The following ANKMY1 variants were observed in gnomAD, a reference collection of about 807,000 sequenced individuals.
ANKMY1 encodes the protein ankyrin repeat and MYND domain-containing protein 1.
A neutral mutation model predicts 102.0 loss-of-function variants in ANKMY1; 98 were observed. The ratio of observed to expected loss-of-function variants is 0.96; its 90% CI spans 0.82 to 1.14. The LOEUF (loss-of-function observed/expected upper bound fraction) is 1.14, where lower values mean the gene tolerates loss of function less well. ANKMY1 is among the 50% of genes most tolerant of loss of function. The pLI is 0.00. For synonymous variants in ANKMY1, 582 were observed against 559.9 expected (o/e 1.04, Z -0.56); for missense variants, 1,330 against 1,347.6 (o/e 0.99, Z 0.20).
chr2:240,560,714 G>A (rs766050002), upstream of ANKMY1: 8 of 1,527,428 alleles, frequency 5.2e-6, no homozygotes, highest in Middle Eastern at 1.8e-4. Context: ...GGCGCCGCGG[G>A]GCCGCCTCGC....
intron 11 of ANKMY1, among the ~76,000 whole-genome samples, chr2:240,510,634 C>T (rs1053442333): frequency 4.6e-5 from 7 of 152,116 alleles, no homozygotes; most frequent in African/African-American, 7.2e-5. Context: ...CCCTTTCCCG[C>T]AGTCTTGCTG....
At chr2:240,488,384 AT>A (rs1308786759) in intron 15 of ANKMY1, among the ~76,000 whole-genome samples, 1 of 152,190 alleles carries the variant, frequency 6.6e-6, no homozygotes. Flanking sequence ...TTTGTAGTAT[AT>A]TTTGAATCCA....
At chr2:240,560,010 T>C (rs1007217748), upstream of ANKMY1, 3 of 152,394 alleles carry the variant, frequency 2.0e-5, no homozygotes, top group Non-Finnish European at 2.9e-5. Context: ...AAAGTTACAA[T>C]GCTGACCCCA....
At position 240,524,244 on chromosome 2, in the gene ANKMY1, CAGG is replaced by C; in HGVS notation, c.1470_1472del (p.Leu491del). ...CCTCGTGGCTGCCTGAGACGCGTGG[CAGG>C]AGCAGTGGTGCTGGCGGTGGCCTCA... On this transcript the variant is annotated inframe_deletion, in exon 8 of 18. Coordinates refer to ENST00000401804, the MANE Select transcript of ANKMY1 (RefSeq NM_001282771.3). The C allele has an allele frequency of 6.2e-7, 1 of 1,613,852 alleles. No individual in the cohort carries two copies. The highest frequency in any genetic ancestry group is 8.5e-7 in the Non-Finnish European group (1 of 1,180,036).
chr2:240,482,313 C>T, intron 15 of ANKMY1, 52 bp from the exon 16 acceptor site: 3 of 1,546,818 alleles, frequency 1.9e-6, no homozygotes, highest in East Asian at 2.3e-5. Context: ...GTGGGGGCCA[C>T]CACTGCAGAA....
chr2:240,477,880 A>G (rs578018540), downstream of ANKMY1, among the ~76,000 whole-genome samples: 12 of 152,158 alleles, frequency 7.9e-5, no homozygotes, highest in Non-Finnish European at 1.5e-4. Context: ...GTGTGCACTC[A>G]TGCCTGTAGA....
intron 5 of ANKMY1, chr2:240,527,698 C>CATGGGTGGATTGA (rs2084056825): frequency 6.6e-6 from 1 of 151,526 alleles, no homozygotes; most frequent in Non-Finnish European, 1.5e-5. Flanking sequence ...GAATGGATGG[C>CATGGGTGGATTGA]TGCATGAATG....
chr2:240,482,291 C>A, intron 15 of ANKMY1, 30 bp from the exon 16 acceptor site: 1 of 1,595,762 alleles, frequency 6.3e-7, no homozygotes, highest in Non-Finnish European at 8.5e-7. Context: ...GCATTAGTAC[C>A]CACGTGGCAG....
the ANKMY1 span, among the ~76,000 whole-genome samples, chr2:240,468,821 G>A: frequency 6.6e-6 from 1 of 152,170 alleles, no homozygotes; most frequent in Non-Finnish European, 1.5e-5. Context: ...GGGAGATGCA[G>A]CTCCACCCAG....
intron 4 of ANKMY1, among the ~76,000 whole-genome samples, chr2:240,542,828 A>G (rs1261145282): frequency 6.7e-6 from 1 of 150,210 alleles, no homozygotes; most frequent in East Asian, 1.9e-4. Flanking sequence ...AGTCCAAGCA[A>G]TTTTCAACTC....
chr2:240,469,679 CACAA>C, the ANKMY1 span, among the ~76,000 whole-genome samples: 86 of 149,692 alleles, frequency 5.7e-4, no homozygotes, highest in Admixed American at 2.1e-3. Context: ...CATTTACACA[CACAA>C]ACGAACACAT....
chr2:240,560,844 C>A, upstream of ANKMY1: 1 of 1,395,818 alleles, frequency 7.2e-7, no homozygotes, highest in Admixed American at 3.5e-5. Flanking sequence ...CGTCTCCCGC[C>A]AGCAGCCCGG....
chr2:240,544,693 C>T (rs538904681), intron 4 of ANKMY1, among the ~76,000 whole-genome samples: 1 of 145,962 alleles, frequency 6.9e-6, no homozygotes, highest in East Asian at 1.9e-4. Flanking sequence ...TTGCCTCACT[C>T]AGGAAGCGCA....
In ANKMY1 at chr2:240,512,846, C is replaced by A. The variant is rs763457314; in HGVS notation, c.2101G>T (p.Asp701Tyr). The A allele has an allele frequency of 1.7e-5, 28 of 1,614,080 alleles. No individual in the cohort carries two copies. The highest frequency in any genetic ancestry group is 2.1e-5 in the Non-Finnish European group (25 of 1,180,010). Residue 701 changes from aspartate to tyrosine, a missense_variant, in exon 10 of 18, where the codon GAC (aspartate) becomes TAC (tyrosine). Transcript: ENST00000401804. ...ELLLHAITDV[D>Y]AKASDEDDTY... ...TCGTCCTCGTCGGATGCCTTGGCGTCCACATCGGTGATGGCATGCAACAGC... is the reference window on the plus strand; with the variant it reads ...TCGTCCTCGTCGGATGCCTTGGCGTACACATCGGTGATGGCATGCAACAGC...
At chr2:240,558,096 C>T (rs1575411649), upstream of ANKMY1, 21 of 597,458 alleles carry the variant, frequency 3.5e-5, no homozygotes, top group Non-Finnish European at 4.4e-5. Flanking sequence ...TCCGGGCGTG[C>T]CCGCCCTCTG....
At position 240,520,542 on chromosome 2, in the gene ANKMY1, G is replaced by A. The variant is rs893399521; in HGVS notation, c.1833-9C>T. ...GCCAGCGCTTCCTCCGCCTGAAAAA[G>A]ACGGTGCGCCCGTGGGCCCCTGGAG... is the stretch of plus-strand genomic sequence containing the variant. On this transcript the variant is annotated splice_polypyrimidine_tract_variant and intron_variant, in intron 8 of 17. Coordinates refer to ENST00000401804, the MANE Select transcript of ANKMY1 (RefSeq NM_001282771.3). The surrounding 1 kb of genome is among the most constrained non-coding windows in gnomAD (Gnocchi z 4.8). 1 of 1,608,152 alleles carries A rather than the reference G, an allele frequency of 6.2e-7. No homozygotes were observed. The highest frequency in any genetic ancestry group is 8.5e-7 in the Non-Finnish European group (1 of 1,176,986).
In ANKMY1 at chr2:240,529,292, A is replaced by T. The variant is rs764564498; in HGVS notation, c.698T>A (p.Leu233Gln). 5.6e-6 allele frequency: 9 copies of T among 1,614,080 alleles called. No homozygotes were observed. The Admixed American group carries it at 1.3e-4, about 24-fold the overall frequency. The change falls in exon 5 of 18, where the codon CTG (leucine) becomes CAG (glutamine). Residue 233 changes from leucine to glutamine, a missense_variant. By Grantham distance (113) the Leu-to-Gln change is moderately radical. Transcript: ENST00000401804. This position sits in a 1 kb window ranked among gnomAD's most constrained non-coding sequence, Gnocchi z 4.2. ...GAAAAAGGGATCCTGTCCCTCCTGC[A>T]GTCCCCACTCCGTTTTCTCCTCTTC... ...LSEEEKTEWG[L>Q]QEGQDPFFYD... is the part of the protein sequence containing the mutation.
intron 4 of ANKMY1, among the ~76,000 whole-genome samples, chr2:240,540,933 C>T (rs1387120684): frequency 6.6e-6 from 1 of 152,212 alleles, no homozygotes; most frequent in African/African-American, 2.4e-5. Context: ...AGAAGCGTTC[C>T]TGATTGCCTC....
chr2:240,560,787 G>A, upstream of ANKMY1: 12 of 1,458,032 alleles, frequency 8.2e-6, no homozygotes, highest in South Asian at 1.3e-5. Flanking sequence ...GCGAGCCGCG[G>A]GCGCGGAGGA....
Sources: allele counts gnomAD v4.1 joint callset (sites outside exome capture counted in the v4.1 genomes callset), GRCh38; gene constraint gnomAD v4.1.1; non-coding constraint Gnocchi (gnomAD v3.1); transcripts MANE v1.5; gene names NCBI Gene and HGNC (gene_info 2026-07-23, HGNC 2026-07-21).